LUZP2: variants seen among roughly 807,000 people sequenced by gnomAD.
LUZP2 encodes leucine zipper protein 2.
LUZP2 carries 52 observed loss-of-function variants against 51.6 expected under a neutral mutation model. The ratio of observed to expected loss-of-function variants is 1.01; its 90% confidence interval spans 0.81 to 1.27. The LOEUF (loss-of-function observed/expected upper bound fraction) is 1.27. Ranked by LOEUF, LUZP2 falls within the 50% of genes most tolerant of loss-of-function variation. LUZP2 has a pLI of 0.00. For synonymous variants in LUZP2, 154 were observed against 137.3 expected (o/e 1.12, Z -0.85); for missense variants, 436 against 395.4 (o/e 1.10, Z -0.87).
At chr11:24,688,572 A>G (rs1213405614) in intron 1 of LUZP2, among the ~76,000 whole-genome samples, 7 of 107,716 alleles carry the variant, frequency 6.5e-5, no homozygotes. Flanking sequence ...TCCAACTCCC[A>G]GGTATGACCT....
chr11:24,732,005 A>T, intron 2 of LUZP2, 113 bp from the exon 3 acceptor site: 1 of 708,134 alleles, frequency 1.4e-6, no homozygotes, highest in Non-Finnish European at 2.3e-6. Flanking sequence ...ACTCATTTTT[A>T]ATTCTTGTTC....
intron 5 of LUZP2, chr11:24,891,113 A>G: frequency 1.0e-6 from 1 of 983,364 alleles, no homozygotes; most frequent in Non-Finnish European, 1.2e-6. Flanking sequence ...AAAGAAATAC[A>G]AATTAGAACA....
At chr11:25,070,506 T>C (rs541591075) in intron 10 of LUZP2, among the ~76,000 whole-genome samples, 2 of 150,716 alleles carry the variant, frequency 1.3e-5, no homozygotes, top group Non-Finnish European at 3.0e-5. Context: ...ATCACATTCA[T>C]AGGGTCTGCC....
At chr11:24,672,836 C>T (rs760164522) in intron 1 of LUZP2, among the ~76,000 whole-genome samples, 3 of 152,172 alleles carry the variant, frequency 2.0e-5, no homozygotes, top group Non-Finnish European at 4.4e-5. Flanking sequence ...AGTCCCTGGA[C>T]CACAGACCAG....
chr11:24,881,097 A>G (rs1197784622), intron 5 of LUZP2, among the ~76,000 whole-genome samples: 2 of 152,154 alleles, frequency 1.3e-5, no homozygotes, highest in Non-Finnish European at 2.9e-5. Flanking sequence ...TTGCCAGGTA[A>G]GCTTAAGAGA....
At chr11:25,010,219 TAACA>T (rs1399182677) in intron 9 of LUZP2, among the ~76,000 whole-genome samples, 3 of 152,184 alleles carry the variant, frequency 2.0e-5, no homozygotes, top group Non-Finnish European at 2.9e-5. Context: ...GCAATTATTT[TAACA>T]TATTTAAGAA....
At chr11:24,840,083 T>C (rs1220628909) in intron 5 of LUZP2, among the ~76,000 whole-genome samples, 1 of 151,738 alleles carries the variant, frequency 6.6e-6, no homozygotes, top group East Asian at 1.9e-4. Context: ...CAGCACTTTG[T>C]GGGGGACAAT....
chr11:24,657,683 C>A (rs183548591), intron 1 of LUZP2, among the ~76,000 whole-genome samples: 1 of 152,118 alleles, frequency 6.6e-6, no homozygotes, highest in African/African-American at 2.4e-5. Flanking sequence ...AAAACCCCAT[C>A]GTCTCAGCCC....
chr11:24,997,008 C>T (rs1856523410), intron 9 of LUZP2, among the ~76,000 whole-genome samples: 1 of 149,902 alleles, frequency 6.7e-6, no homozygotes, highest in African/African-American at 2.5e-5. Context: ...TTTCTTAATC[C>T]AGTCTATCAT....
At chr11:24,580,532 T>A (rs1852811892) in intron 1 of LUZP2, among the ~76,000 whole-genome samples, 1 of 152,124 alleles carries the variant, frequency 6.6e-6, no homozygotes, top group South Asian at 2.1e-4. Flanking sequence ...TAGCAAAAGC[T>A]CCATGTTAAT....
In LUZP2 at chr11:24,893,800, G is replaced by T. The variant is rs562810389; in HGVS notation, c.397-12191G>T. Among the ~76,000 whole-genome samples, 104 of 140,832 alleles carry T rather than the reference G, an allele frequency of 7.4e-4. 1 individual carries two copies. The highest frequency in any genetic ancestry group is 2.5e-3 in the African/African-American group (94 of 37,568). The allele number at this position is 140,832 out of a possible 152,430, so 92.4% of individuals were successfully genotyped here. A position where few individuals can be genotyped will look rare whatever the true frequency, so the allele number is the denominator to read the frequency against. ...CACACACACACACACACACACACAC[G>T]CACATGGTTTATTATTTTTTACAAT... On this transcript the variant is annotated intron_variant, in intron 5 of 11. Coordinates refer to ENST00000336930, the MANE Select transcript of LUZP2 (RefSeq NM_001009909.4).
intron 5 of LUZP2, among the ~76,000 whole-genome samples, chr11:24,826,529 TTTCCTAA>T (rs1237694759): frequency 4.0e-5 from 6 of 151,810 alleles, no homozygotes; most frequent in Non-Finnish European, 7.4e-5. Flanking sequence ...TTTTTTTTTT[TTTCCTAA>T]TTTCACTGCC....
At chr11:24,679,108 T>C (rs1350215738) in intron 1 of LUZP2, among the ~76,000 whole-genome samples, 1 of 152,178 alleles carries the variant, frequency 6.6e-6, no homozygotes, top group Non-Finnish European at 1.5e-5. Context: ...AAGTAAAATA[T>C]GTGTAGAAAG....
chr11:24,946,655 A>C (rs991936260), intron 7 of LUZP2, among the ~76,000 whole-genome samples: 1 of 151,766 alleles, frequency 6.6e-6, no homozygotes, highest in Non-Finnish European at 1.5e-5. Flanking sequence ...TATTTTTTAC[A>C]TATCATGACC....
At chr11:24,820,733 G>C (rs1850333173) in intron 5 of LUZP2, among the ~76,000 whole-genome samples, 1 of 152,116 alleles carries the variant, frequency 6.6e-6, no homozygotes, top group African/African-American at 2.4e-5. Flanking sequence ...CTTTGGATTT[G>C]GGTGTTACGG....
intron 1 of LUZP2, among the ~76,000 whole-genome samples, chr11:24,591,665 C>A (rs12280090): frequency 6.6e-6 from 1 of 152,036 alleles, no homozygotes; most frequent in Non-Finnish European, 1.5e-5. Context: ...ATCAATTGTA[C>A]GACCTTGAGC....
chr11:24,711,450 A>AAAATAAAT (rs200424558), intron 1 of LUZP2, among the ~76,000 whole-genome samples: 11,910 of 142,954 alleles, frequency 0.083, 546 homozygotes, highest in Middle Eastern at 0.12. Context: ...ACTCCATCTC[A>AAAATAAAT]AAATAAATAA....
intron 5 of LUZP2, among the ~76,000 whole-genome samples, chr11:24,876,765 T>G (rs1224126205): frequency 6.6e-6 from 1 of 151,254 alleles, no homozygotes; most frequent in Non-Finnish European, 1.5e-5. Context: ...GTATCCTCTT[T>G]TATTTCATTG....
At chr11:24,784,596 T>C (rs946987467) in intron 5 of LUZP2, among the ~76,000 whole-genome samples, 23 of 152,034 alleles carry the variant, frequency 1.5e-4, no homozygotes, top group African/African-American at 5.6e-4. Flanking sequence ...TTTGTTTTCA[T>C]TTTTGTTTGT....
Sources: gnomAD v4.1 joint callset for allele counts (sites outside exome capture counted in the v4.1 genomes callset) on GRCh38, gnomAD v4.1.1 for gene constraint, MANE v1.5 for transcripts, NCBI Gene and HGNC (gene_info 2026-07-23, HGNC 2026-07-21) for gene names.